UNC13B: variants seen among roughly 807,000 people sequenced by gnomAD.
UNC13B encodes unc-13 homolog B.
UNC13B carries 144 observed loss-of-function variants against 211.0 expected under a neutral mutation model. That is an observed-to-expected ratio of 0.68 (90% confidence interval 0.60 to 0.78). UNC13B has a LOEUF of 0.78. Ranked by LOEUF, UNC13B falls within the 30% of genes least tolerant of loss-of-function variation. The pLI is 0.00. For synonymous variants in UNC13B, 709 were observed against 725.8 expected, an observed-to-expected ratio of 0.98 and a Z score of 0.37; for missense variants, 1,777 against 2,002.0, an observed-to-expected ratio of 0.89 and a Z score of 2.14.
intron 13 of UNC13B, 100 bp from the exon 14 acceptor site, chr9:35,375,027 G>A: frequency 1.7e-6 from 2 of 1,148,764 alleles, no homozygotes; most frequent in South Asian, 1.2e-5. Flanking sequence ...AAGTACTGTA[G>A]TAAGCTATAG....
At chr9:35,205,016 T>C (rs1421610781) in intron 1 of UNC13B, among the ~76,000 whole-genome samples, 1 of 152,178 alleles carries the variant, frequency 6.6e-6, no homozygotes, top group Non-Finnish European at 1.5e-5. Context: ...TGATGGATAA[T>C]GGGGTGGAGT....
rs1036087922 is a variant in UNC13B at position 35,351,544 on chromosome 9, A to G, written c.9415-15403A>G. 139 of 1,232,368 alleles carry G rather than the reference A, an allele frequency of 1.1e-4. No individual in the cohort carries two copies. In the African/African-American group the frequency reaches 2.0e-3, roughly 18 times the overall value. 76.3% of individuals were successfully genotyped at this position (1,232,368 alleles called of 1,614,324 possible). On this transcript the variant is annotated intron_variant, in intron 11 of 39. Transcript: ENST00000635942. ...GGGAGAAAATGAAGCGATTGTTGCAAGAGTCAGAGGAAGAAATCATGGTTA... is the reference window on the plus strand; with the variant it reads ...GGGAGAAAATGAAGCGATTGTTGCAGGAGTCAGAGGAAGAAATCATGGTTA...
At chr9:35,393,578 T>TC (rs1329447181) in intron 26 of UNC13B, among the ~76,000 whole-genome samples, 1 of 146,112 alleles carries the variant, frequency 6.8e-6, no homozygotes, top group African/African-American at 2.5e-5. Context: ...CTCTCTCTTT[T>TC]TTTTTTTTTT....
At chr9:35,325,641 T>A (rs1830963978) in intron 11 of UNC13B, among the ~76,000 whole-genome samples, 1 of 152,204 alleles carries the variant, frequency 6.6e-6, no homozygotes, top group African/African-American at 2.4e-5. Flanking sequence ...TGGTATTTAA[T>A]ATAGTCACTA....
intron 6 of UNC13B, among the ~76,000 whole-genome samples, chr9:35,246,246 A>G (rs891970380): frequency 1.3e-5 from 2 of 151,660 alleles, no homozygotes; most frequent in African/African-American, 4.8e-5. Flanking sequence ...GATTCTGGAT[A>G]TTAGCCCTTT....
intron 1 of UNC13B, among the ~76,000 whole-genome samples, chr9:35,170,414 C>G (rs1243427617): frequency 6.6e-6 from 1 of 152,108 alleles, no homozygotes; most frequent in Non-Finnish European, 1.5e-5. Flanking sequence ...GATCTGCCCA[C>G]TGCGGCCTCC....
At chr9:35,341,480 AC>A (rs1397452617) in intron 11 of UNC13B, among the ~76,000 whole-genome samples, 2 of 151,660 alleles carry the variant, frequency 1.3e-5, no homozygotes, top group Middle Eastern at 3.4e-3. Flanking sequence ...AGAAGGGAAG[AC>A]TCCCTTTGTA....
At chr9:35,170,230 A>G (rs1455172002) in intron 1 of UNC13B, among the ~76,000 whole-genome samples, 1 of 151,904 alleles carries the variant, frequency 6.6e-6, no homozygotes, top group African/African-American at 2.4e-5. Context: ...CAGTGGTGCA[A>G]TCTCAGCTTA....
intron 11 of UNC13B, chr9:35,353,643 A>G: frequency 8.1e-7 from 1 of 1,232,126 alleles, no homozygotes; most frequent in Non-Finnish European, 1.0e-6. Context: ...GGATCTCCCA[A>G]GCAGGGCAGA....
At chr9:35,392,138 T>G (rs932049624) in intron 26 of UNC13B, among the ~76,000 whole-genome samples, 13 of 152,212 alleles carry the variant, frequency 8.5e-5, no homozygotes, top group African/African-American at 3.1e-4. Flanking sequence ...AGCATCTGTT[T>G]CTTTGAACTG....
intron 6 of UNC13B, among the ~76,000 whole-genome samples, chr9:35,257,580 C>CAAAAAAAAAAAA (rs1160474466): frequency 8.2e-5 from 3 of 36,390 alleles, no homozygotes; most frequent in African/African-American, 3.1e-4. Context: ...GAATCTGTAT[C>CAAAAAAAAAAAA]AAAAAAAAAA....
At chr9:35,188,871 C>T (rs1189945641) in intron 1 of UNC13B, among the ~76,000 whole-genome samples, 1 of 152,188 alleles carries the variant, frequency 6.6e-6, no homozygotes, top group African/African-American at 2.4e-5. Context: ...ATGATTCCAT[C>T]TAATTTTAAC....
chr9:35,378,489 G>A, intron 17 of UNC13B, 53 bp downstream of exon 17: 2 of 1,607,344 alleles, frequency 1.2e-6, no homozygotes, highest in Non-Finnish European at 1.7e-6. Flanking sequence ...TGGGGGAGCA[G>A]GATCACATCC....
At chr9:35,362,610 C>G (rs1833493890) in intron 11 of UNC13B, among the ~76,000 whole-genome samples, 1 of 152,110 alleles carries the variant, frequency 6.6e-6, no homozygotes, top group Admixed American at 6.5e-5. Flanking sequence ...GAGATCAAGA[C>G]CATCCTGGCT....
rs1436000414 is a variant in UNC13B, at chr9:35,306,804, C to T, written c.7400C>T (p.Ser2467Phe). 2 of 398,918 alleles carry T rather than the reference C, an allele frequency of 5.0e-6. No individual in the cohort carries two copies. Among genetic ancestry groups the T allele is most frequent in the Non-Finnish European group, 8.8e-6 (2 of 226,060 alleles). The allele number at this position is 398,918 out of a possible 1,614,324, so 24.7% of individuals were successfully genotyped here. A position where few individuals can be genotyped will look rare whatever the true frequency, so the allele number is the denominator to read the frequency against. The change falls in exon 9 of 40, where the codon TCT becomes TTT. Residue 2467 changes from serine (S) to phenylalanine (F), a missense_variant. Ser to Phe is a radical substitution (Grantham distance 155, BLOSUM62 -2). Transcript: ENST00000635942. ...MLSGFVTKVK[S>F]FSGSLIEPPK... is the part of the protein sequence containing the mutation. ...TCAGGGTTTGTGACCAAAGTGAAAT[C>T]TTTCTCTGGGAGCTTAATTGAACCT...
intron 12 of UNC13B, among the ~76,000 whole-genome samples, chr9:35,367,666 C>G (rs1336372360): frequency 6.6e-6 from 1 of 152,076 alleles, no homozygotes; most frequent in African/African-American, 2.4e-5. Context: ...CCTGCTCCAG[C>G]TGTTGTGAGT....
chr9:35,197,681 G>T (rs539616043), intron 1 of UNC13B, among the ~76,000 whole-genome samples: 1 of 152,274 alleles, frequency 6.6e-6, no homozygotes, highest in South Asian at 2.1e-4. Flanking sequence ...CATGGGGGCG[G>T]ACTTCCCCCT....
intron 11 of UNC13B, among the ~76,000 whole-genome samples, chr9:35,359,630 C>G (rs1469558218): frequency 6.6e-6 from 1 of 152,192 alleles, no homozygotes; most frequent in East Asian, 1.9e-4. Flanking sequence ...TGCAGCTATT[C>G]AGGCCCAATC....
chr9:35,399,008 G>T lies in UNC13B; in HGVS notation c.12048G>T (p.Arg4016=). Reference sequence around the variant, plus strand: ...CTCAGGATGCAGATAGCGTACTCCGGCCTCTCATGGACTTCCTGGATGGCA... The same window carrying T: ...CTCAGGATGCAGATAGCGTACTCCGTCCTCTCATGGACTTCCTGGATGGCA... ...SAAQDADSVL[R]PLMDFLDGNL... Residue 4016 remains arginine (R), a synonymous_variant, in exon 33 of 40, where the codon CGG becomes CGT. Coordinates refer to ENST00000635942, the MANE Select transcript of UNC13B (RefSeq NM_001371189.2). The T allele has an allele frequency of 6.2e-7, 1 of 1,614,106 alleles. No individual in the cohort carries two copies. The highest frequency in any genetic ancestry group is 8.5e-7 in the Non-Finnish European group (1 of 1,179,994).
Sources: gnomAD v4.1 joint callset for allele counts (sites outside exome capture counted in the v4.1 genomes callset) on GRCh38, gnomAD v4.1.1 for gene constraint, MANE v1.5 for transcripts, NCBI Gene and HGNC (gene_info 2026-07-23, HGNC 2026-07-21) for gene names.